Variants in LAMA3 observed in about 807,000 individuals in gnomAD.
LAMA3 encodes laminin subunit alpha 3.
A neutral mutation model predicts 402.0 loss-of-function variants in LAMA3; 281 were observed. The observed-to-expected ratio is 0.70, with a 90% CI of 0.63 to 0.77. LAMA3 has a LOEUF of 0.77. LAMA3 is among the 30% of genes least tolerant of loss of function. LAMA3 has a pLI of 0.00. For synonymous variants in LAMA3, 1,431 were observed against 1,558.4 expected, an observed-to-expected ratio of 0.92 and a Z score of 1.93; for missense variants, 3,840 against 4,215.5, an observed-to-expected ratio of 0.91 and a Z score of 2.47.
At position 23,758,417 on chromosome 18, in the gene LAMA3, C is replaced by T; in HGVS notation, c.969C>T (p.His323=). ...CCAGGTTTCGGTGTGAATGCCAGCA[C>T]CACACCTGTGGGGAGACGTGTGATC... ...PEKLFRCECQ[H]HTCGETCDRC... is the part of the protein sequence containing the mutation. Residue 323 remains histidine (H), a synonymous_variant, in exon 7 of 75, where the codon CAC becomes CAT. Coordinates refer to ENST00000313654, the MANE Select transcript of LAMA3 (RefSeq NM_198129.4). 6.2e-7 allele frequency: 1 copy of T among 1,613,982 alleles called. No individual in the cohort carries two copies. Among genetic ancestry groups the T allele is most frequent in the African/African-American group, 1.3e-5 (1 of 75,056 alleles).
At chr18:23,808,642 C>T (rs1227311095) in intron 12 of LAMA3, among the ~76,000 whole-genome samples, 1 of 152,176 alleles carries the variant, frequency 6.6e-6, no homozygotes, top group Non-Finnish European at 1.5e-5. Flanking sequence ...TGTTGAAACT[C>T]CCAGGTAATT....
chr18:23,731,793 G>A (rs11664777), intron 2 of LAMA3, among the ~76,000 whole-genome samples: 78,305 of 151,564 alleles, frequency 0.52, 21,965 homozygotes, highest in Middle Eastern at 0.63. Flanking sequence ...GAAAGGGTTG[G>A]GAAACTACTG....
intron 19 of LAMA3, 117 bp from the exon 20 acceptor site, chr18:23,822,135 G>A (rs1164692629): frequency 1.9e-6 from 2 of 1,067,058 alleles, no homozygotes; most frequent in Admixed American, 3.6e-5. Context: ...GTATGTGTGT[G>A]TATGTGTGTA....
chr18:23,855,572 T>C (rs1487187274), intron 32 of LAMA3, among the ~76,000 whole-genome samples: 1 of 152,192 alleles, frequency 6.6e-6, no homozygotes, highest in East Asian at 1.9e-4. Flanking sequence ...CAGTTGTTAT[T>C]AACCTGGGGC....
chr18:23,833,393 TAA>T lies in LAMA3; in HGVS notation c.2824-426_2824-425del, dbSNP rs5823403. On this transcript the variant is annotated intron_variant, in intron 23 of 74. Transcript: ENST00000313654. ...TCCCTTGATACAATTTAAAACTTAT[TAA>T]AAAAAAAACAATTAAAGAGCCCAAA... 1.1e-4 allele frequency among the ~76,000 whole-genome samples: 17 copies of T among 151,298 alleles called. No homozygotes were observed. The South Asian group carries it at 2.5e-3, about 22-fold the overall frequency.
chr18:23,927,512 A>G (rs1461494802), intron 62 of LAMA3, among the ~76,000 whole-genome samples: 2 of 152,142 alleles, frequency 1.3e-5, no homozygotes, highest in Non-Finnish European at 2.9e-5. Context: ...GCCCACAGGT[A>G]GGAGGTGGTA....
chr18:23,762,462 G>T (rs1310071607), intron 7 of LAMA3, among the ~76,000 whole-genome samples: 1 of 151,528 alleles, frequency 6.6e-6, no homozygotes, highest in African/African-American at 2.4e-5. Context: ...GGTGGCTGGT[G>T]CCTGTAGTCC....
intron 41 of LAMA3, among the ~76,000 whole-genome samples, chr18:23,887,001 G>T (rs1568300086): frequency 6.6e-6 from 1 of 152,230 alleles, no homozygotes. Flanking sequence ...GCAAAAGATG[G>T]TAATGGAAGG....
At chr18:23,782,131 A>G (rs934795007) in intron 11 of LAMA3, among the ~76,000 whole-genome samples, 1 of 152,238 alleles carries the variant, frequency 6.6e-6, no homozygotes, top group African/African-American at 2.4e-5. Context: ...CCCATGTAGA[A>G]AATCTTTCCA....
intron 1 of LAMA3, among the ~76,000 whole-genome samples, chr18:23,696,410 T>C (rs988114137): frequency 6.6e-6 from 1 of 152,248 alleles, no homozygotes; most frequent in Non-Finnish European, 1.5e-5. Context: ...TTTATTTCAT[T>C]ATCTTCTAGG....
At chr18:23,705,816 C>CATAG (rs1359745900) in intron 1 of LAMA3, among the ~76,000 whole-genome samples, 1 of 152,134 alleles carries the variant, frequency 6.6e-6, no homozygotes, top group East Asian at 1.9e-4. Context: ...CTGTGCCTGG[C>CATAG]CTATATATGT....
At position 23,710,175 on chromosome 18, in the gene LAMA3, T is replaced by TC. The variant is rs397803983; in HGVS notation, c.295-3745_295-3744insC. ...CGGAAGGTGGGTGACGTGCAGATCT[T>TC]TTTTTGTGTGGCTGTGGACACCTTT... On this transcript the variant is annotated intron_variant, in intron 1 of 74. Transcript: ENST00000313654. 24 of 686,820 alleles carry TC rather than the reference T, an allele frequency of 3.5e-5. No individual in the cohort carries two copies. The Middle Eastern group carries it at 2.2e-3, about 63-fold the overall frequency. The allele number at this position is 686,820 out of a possible 1,614,324, so 42.5% of individuals were successfully genotyped here.
chr18:23,709,359 C>T (rs766639519), intron 1 of LAMA3, among the ~76,000 whole-genome samples: 8 of 152,218 alleles, frequency 5.3e-5, no homozygotes, highest in Non-Finnish European at 1.2e-4. Flanking sequence ...AGGCGTGAGC[C>T]ACTGTGCCCA....
chr18:23,842,245 G>A (rs1038586352), intron 27 of LAMA3, 150 bp from the exon 28 acceptor site: 7 of 933,564 alleles, frequency 7.5e-6, no homozygotes, highest in Non-Finnish European at 1.2e-5. Context: ...ATGTGTGAAG[G>A]CTTCTGGGTG....
chr18:23,744,194 G>A (rs1365289097), intron 2 of LAMA3, among the ~76,000 whole-genome samples: 1 of 152,196 alleles, frequency 6.6e-6, no homozygotes, highest in Non-Finnish European at 1.5e-5. Context: ...GAGATTTGCT[G>A]CAGAGCTGGA....
chr18:23,939,398 C>T lies in LAMA3; in HGVS notation c.9026+12C>T. On this transcript the variant is annotated intron_variant, in intron 68 of 74. Coordinates refer to ENST00000313654, the MANE Select transcript of LAMA3 (RefSeq NM_198129.4). ...CTGCTGAAACCCAGGTATTATTTAG[C>T]TTTCCTGCCCCAGCACCAGCTCAGA... 2 of 1,613,722 alleles carry T rather than the reference C, an allele frequency of 1.2e-6. No individual in the cohort carries two copies. The highest frequency in any genetic ancestry group is 8.5e-7 in the Non-Finnish European group (1 of 1,179,754).
intron 2 of LAMA3, among the ~76,000 whole-genome samples, chr18:23,728,511 C>T (rs562473744): frequency 6.6e-6 from 1 of 152,264 alleles, no homozygotes; most frequent in Non-Finnish European, 1.5e-5. Context: ...AGGAGAGGTC[C>T]TCAGATCTTC....
At position 23,950,059 on chromosome 18, in the gene LAMA3, A is replaced by G. The variant is rs914083061; in HGVS notation, c.9542A>G (p.Lys3181Arg). 10 of 1,614,086 alleles carry G rather than the reference A, an allele frequency of 6.2e-6. No individual in the cohort carries two copies. Among genetic ancestry groups the G allele is most frequent in the Non-Finnish European group, 8.5e-6 (10 of 1,180,016 alleles). Reference protein sequence around the residue: ...AHSVLLGPEFKLVFSIRPRSL... With the variant: ...AHSVLLGPEFRLVFSIRPRSL... The stretch of plus-strand genomic sequence containing the variant: ...TCTGTATTGTTGGGGCCAGAATTTA[A>G]GCTTGTTTTCAGCATCCGCCCAAGA... Residue 3181 changes from lysine to arginine, a missense_variant, in exon 72 of 75, where the codon AAG becomes AGG. This residue lies in a region of LAMA3 where 840 missense variants were observed against 981.9 expected (regional missense o/e 0.86). Transcript: ENST00000313654.
At chr18:23,893,390 C>T (rs542560518) in intron 42 of LAMA3, among the ~76,000 whole-genome samples, 2 of 152,194 alleles carry the variant, frequency 1.3e-5, no homozygotes, top group African/African-American at 2.4e-5. Flanking sequence ...CTTATCCAGC[C>T]CGGCCAATAT....
Sources: gnomAD v4.1 joint callset for allele counts (sites outside exome capture counted in the v4.1 genomes callset) on GRCh38, gnomAD v4.1.1 for gene constraint, gnomAD v4.1.1 regional missense constraint, MANE v1.5 for transcripts, NCBI Gene and HGNC (gene_info 2026-07-23, HGNC 2026-07-21) for gene names.